FBXL7: variants seen among roughly 807,000 people sequenced by gnomAD.
FBXL7 encodes the protein F-box/LRR-repeat protein 7.
Under a neutral mutation model 38.3 loss-of-function variants are expected in FBXL7, and 12 were observed. The ratio of observed to expected loss-of-function variants is 0.31; its 90% confidence interval spans 0.20 to 0.51. The LOEUF (loss-of-function observed/expected upper bound fraction) is 0.51. Ranked by LOEUF, FBXL7 falls within the 20% of genes least tolerant of loss-of-function variation. The pLI is 0.98. For synonymous variants in FBXL7, 297 were observed against 300.9 expected (o/e 0.99, Z 0.13); for missense variants, 567 against 676.4 (o/e 0.84, Z 1.79).
intron 1 of FBXL7, among the ~76,000 whole-genome samples, chr5:15,603,356 T>C (rs972643579): frequency 6.6e-6 from 1 of 152,272 alleles, no homozygotes; most frequent in Non-Finnish European, 1.5e-5. Context: ...AGCAATTTAC[T>C]TGCAATTTAC....
intron 2 of FBXL7, among the ~76,000 whole-genome samples, chr5:15,761,777 C>G (rs369695915): frequency 3.3e-5 from 5 of 152,242 alleles, no homozygotes; most frequent in African/African-American, 1.2e-4. Context: ...AACTCCTGGA[C>G]TCGAGTGATC....
chr5:15,870,561 G>C (rs1404792370), intron 2 of FBXL7, among the ~76,000 whole-genome samples: 1 of 152,132 alleles, frequency 6.6e-6, no homozygotes, highest in Non-Finnish European at 1.5e-5. Flanking sequence ...AGAAAAAGAT[G>C]GTGGGGGGAT....
intron 1 of FBXL7, among the ~76,000 whole-genome samples, chr5:15,554,441 A>G (rs989157277): frequency 5.3e-5 from 8 of 152,346 alleles, no homozygotes; most frequent in Middle Eastern, 3.4e-3. Context: ...TTCTAAATGT[A>G]TTTAAATGCT....
chr5:15,664,797 C>G (rs1197244278), intron 2 of FBXL7, among the ~76,000 whole-genome samples: 2 of 151,884 alleles, frequency 1.3e-5, no homozygotes, highest in African/African-American at 4.8e-5. Context: ...GTCCTAACTC[C>G]TTTCTGAAGA....
chr5:15,788,538 C>G lies in FBXL7; in HGVS notation c.128-139352C>G, dbSNP rs73752316. 1.5e-3 allele frequency among the ~76,000 whole-genome samples: 225 copies of G among 152,238 alleles called. 1 individual carries two copies. The highest frequency in any genetic ancestry group is 5.3e-3 in the African/African-American group (219 of 41,550). On this transcript the variant is annotated intron_variant, in intron 2 of 3. Transcript: ENST00000504595. The stretch of plus-strand genomic sequence containing the variant: ...AAGTTTGTGTCAGGGCCTATAAGGG[C>G]TTATTAGATTTGGTCTCAGCCTGCC...
chr5:15,571,354 G>C (rs116652345), intron 1 of FBXL7, among the ~76,000 whole-genome samples: 3,820 of 152,198 alleles, frequency 0.025, 155 homozygotes, highest in African/African-American at 0.089. Context: ...CTTTTGTTGG[G>C]AATCTCCAAA....
At chr5:15,634,586 G>A (rs1741122262) in intron 2 of FBXL7, among the ~76,000 whole-genome samples, 1 of 152,006 alleles carries the variant, frequency 6.6e-6, no homozygotes, top group Non-Finnish European at 1.5e-5. Context: ...CTCCCAAGGT[G>A]CTGAGATTAC....
chr5:15,832,657 A>C (rs1738488014), intron 2 of FBXL7, among the ~76,000 whole-genome samples: 1 of 152,198 alleles, frequency 6.6e-6, no homozygotes, highest in Admixed American at 6.5e-5. Context: ...GAGTTTGTAG[A>C]AACTCTCTTT....
chr5:15,629,287 A>G (rs1487034620), intron 2 of FBXL7, among the ~76,000 whole-genome samples: 1 of 152,084 alleles, frequency 6.6e-6, no homozygotes, highest in Non-Finnish European at 1.5e-5. Context: ...AAGAAACGGA[A>G]ATATACTTGA....
intron 2 of FBXL7, among the ~76,000 whole-genome samples, chr5:15,617,422 CATTTATTTATTTATTTATTTATTT>C (rs3032718): frequency 6.3e-5 from 9 of 142,736 alleles, no homozygotes; most frequent in South Asian, 2.3e-4. Context: ...TGATTCTAGA[CATTTATTTATTTATTTATTTATTT>C]ATTTATTTAT....
intron 2 of FBXL7, among the ~76,000 whole-genome samples, chr5:15,905,054 CCATAGTCA>C (rs1741323098): frequency 6.6e-6 from 1 of 152,170 alleles, no homozygotes; most frequent in African/African-American, 2.4e-5. Flanking sequence ...TTAAGCATTA[CCATAGTCA>C]ATCACTGGAT....
intron 2 of FBXL7, among the ~76,000 whole-genome samples, chr5:15,651,869 G>C (rs1486485850): frequency 6.6e-5 from 10 of 152,158 alleles, no homozygotes; most frequent in Admixed American, 6.5e-4. Flanking sequence ...GTAATAAAAG[G>C]CTACTTCATA....
Position 15,500,591 on chromosome 5 carries a change from G to C in FBXL7, c.-86G>C, listed in dbSNP as rs1259093317. 1 of 1,585,248 alleles carries C rather than the reference G, an allele frequency of 6.3e-7. No homozygotes were observed. Among genetic ancestry groups the C allele is most frequent in the East Asian group, 2.2e-5 (1 of 44,618 alleles). On this transcript the variant is annotated 5_prime_UTR_variant, in exon 1 of 4. Transcript: ENST00000504595. ...GGGATGTGCAGCTAACGGTCCCGTC[G>C]GGCGGGCTTTCCTCGGGCCGAGCGC... is the stretch of plus-strand genomic sequence containing the variant.
chr5:15,655,972 T>G (rs1741868532), intron 2 of FBXL7, among the ~76,000 whole-genome samples: 1 of 152,252 alleles, frequency 6.6e-6, no homozygotes. Context: ...TTAGTCTTTA[T>G]CATTTTGTGC....
At chr5:15,724,618 G>T (rs1013675189) in intron 2 of FBXL7, among the ~76,000 whole-genome samples, 1 of 152,130 alleles carries the variant, frequency 6.6e-6, no homozygotes, top group African/African-American at 2.4e-5. Context: ...TTTGGGGTCT[G>T]AAATTTTTGC....
chr5:15,826,346 C>T (rs984219967), intron 2 of FBXL7, among the ~76,000 whole-genome samples: 5 of 152,154 alleles, frequency 3.3e-5, no homozygotes, highest in African/African-American at 7.2e-5. Context: ...TTTTGTACTT[C>T]GAGAAAATAG....
chr5:15,557,535 C>T (rs970701789), intron 1 of FBXL7, among the ~76,000 whole-genome samples: 2 of 152,160 alleles, frequency 1.3e-5, no homozygotes, highest in African/African-American at 2.4e-5. Flanking sequence ...GTTACAATGA[C>T]CCCATTACAC....
chr5:15,888,747 C>CA (rs902538162), intron 2 of FBXL7, among the ~76,000 whole-genome samples: 2 of 151,944 alleles, frequency 1.3e-5, no homozygotes, highest in African/African-American at 4.8e-5. Flanking sequence ...CTCTACTTTA[C>CA]AAAAAAATGG....
At chr5:15,668,368 TTGTGTGTGTGTGTG>T (rs148728974) in intron 2 of FBXL7, among the ~76,000 whole-genome samples, 65 of 145,656 alleles carry the variant, frequency 4.5e-4, no homozygotes, top group East Asian at 1.0e-3. Context: ...ATATTTGTGT[TTGTGTGTGTGTGTG>T]TGTGTGTGTG....
Sources: gnomAD v4.1 joint callset for allele counts (sites outside exome capture counted in the v4.1 genomes callset) on GRCh38, gnomAD v4.1.1 for gene constraint, MANE v1.5 for transcripts, NCBI Gene and HGNC (gene_info 2026-07-23, HGNC 2026-07-21) for gene names.